Variants in RBFOX1 observed in about 807,000 individuals in gnomAD.
RBFOX1 encodes the protein RNA binding fox-1 homolog 1.
In RBFOX1, 8 loss-of-function variants were observed where a neutral mutation model predicts 57.7. The observed-to-expected ratio is 0.14, with a 90% confidence interval of 0.08 to 0.25. The LOEUF is 0.25. RBFOX1 is among the 10% of genes least tolerant of loss of function. RBFOX1 has a pLI of 1.00. For synonymous variants in RBFOX1, 326 were observed against 222.4 expected (o/e 1.47, Z -4.15); for missense variants, 611 against 548.5 (o/e 1.11, Z -1.14).
intron 4 of RBFOX1, among the ~76,000 whole-genome samples, chr16:7,163,895 A>C (rs2078904973): frequency 6.6e-6 from 1 of 152,064 alleles, no homozygotes. Context: ...CCTGACCTCA[A>C]ATGATCCATC....
chr16:5,756,746 C>T (rs574633708), intron 3 of RBFOX1, among the ~76,000 whole-genome samples: 1 of 152,198 alleles, frequency 6.6e-6, no homozygotes, highest in East Asian at 1.9e-4. Context: ...CCAAAGAGAC[C>T]CCATGAAATC....
chr16:6,039,381 C>T (rs1225009632), intron 1 of RBFOX1, among the ~76,000 whole-genome samples: 1 of 150,316 alleles, frequency 6.7e-6, no homozygotes, highest in Non-Finnish European at 1.5e-5. Context: ...CAAAACATGC[C>T]AGCTTGACAG....
chr16:5,917,149 C>T (rs1197073403), intron 4 of RBFOX1, among the ~76,000 whole-genome samples: 3 of 152,140 alleles, frequency 2.0e-5, no homozygotes, highest in Non-Finnish European at 2.9e-5. Context: ...TTTAGACAAC[C>T]GCTTCCTAAG....
chr16:6,119,912 C>A (rs1244147127), intron 1 of RBFOX1, among the ~76,000 whole-genome samples: 1 of 152,196 alleles, frequency 6.6e-6, no homozygotes, highest in East Asian at 1.9e-4. Flanking sequence ...GAAGGAGACC[C>A]TGTATCCAGT....
chr16:6,636,025 C>T (rs1027766864), intron 2 of RBFOX1, among the ~76,000 whole-genome samples: 1 of 152,140 alleles, frequency 6.6e-6, no homozygotes, highest in Non-Finnish European at 1.5e-5. Context: ...TACTTGTGTA[C>T]ATGTTTAATA....
chr16:6,656,625 C>T (rs78519630), intron 3 of RBFOX1, among the ~76,000 whole-genome samples: 10 of 151,878 alleles, frequency 6.6e-5, no homozygotes, highest in East Asian at 5.8e-4. Flanking sequence ...CACACACACA[C>T]ACACACTTCT....
chr16:6,204,558 T>C (rs1312184578), intron 1 of RBFOX1, among the ~76,000 whole-genome samples: 1 of 152,198 alleles, frequency 6.6e-6, no homozygotes, highest in Non-Finnish European at 1.5e-5. Flanking sequence ...GGGAGGTTAT[T>C]TGAACCCAGG....
chr16:6,794,746 C>T (rs1055659952), intron 3 of RBFOX1, among the ~76,000 whole-genome samples: 5 of 152,130 alleles, frequency 3.3e-5, no homozygotes, highest in African/African-American at 1.2e-4. Context: ...ATTCTTCATA[C>T]AAATGTGTGG....
intron 1 of RBFOX1, among the ~76,000 whole-genome samples, chr16:5,273,607 C>T (rs759119913): frequency 9.9e-5 from 15 of 152,000 alleles, no homozygotes; most frequent in South Asian, 2.1e-4. Context: ...AGGTGAGAAG[C>T]GGGGGAGTGG....
chr16:5,563,758 T>C (rs2045968748), intron 2 of RBFOX1, among the ~76,000 whole-genome samples: 1 of 152,208 alleles, frequency 6.6e-6, no homozygotes, highest in Non-Finnish European at 1.5e-5. Flanking sequence ...CACAGAGTTG[T>C]GCAATGAGCA....
At chr16:5,489,478 C>T (rs1479921341) in intron 2 of RBFOX1, among the ~76,000 whole-genome samples, 1 of 152,216 alleles carries the variant, frequency 6.6e-6, no homozygotes, top group African/African-American at 2.4e-5. Context: ...ATCTATTAGC[C>T]CTTCCCAGCT....
intron 1 of RBFOX1, among the ~76,000 whole-genome samples, chr16:6,243,795 C>T (rs968927814): frequency 6.6e-6 from 1 of 152,142 alleles, no homozygotes; most frequent in Non-Finnish European, 1.5e-5. Flanking sequence ...ATGGTGGGAA[C>T]TTAGAGTCGT....
intron 14 of RBFOX1, among the ~76,000 whole-genome samples, chr16:7,707,122 G>C (rs1407549236): frequency 2.6e-5 from 4 of 152,204 alleles, no homozygotes; most frequent in African/African-American, 7.2e-5. Flanking sequence ...AGGATCAGGA[G>C]AATCCTCTTG....
rs536237743 is a variant in RBFOX1 at position 5,448,049 on chromosome 16, A to G, written c.220-19167A>G. ...GTGGAGTCACATGGGGGAACAGGCT[A>G]TCATGGGAAGTGAATCGAGGTCAGT... is the stretch of plus-strand genomic sequence containing the variant. On this transcript the variant is annotated intron_variant, in intron 1 of 2. Coordinates refer to the RBFOX1 transcript ENST00000585867. Among the ~76,000 whole-genome samples, 8 of 152,324 alleles carry G rather than the reference A, an allele frequency of 5.3e-5. No homozygotes were observed. In the East Asian group the frequency reaches 1.4e-3, roughly 26 times the overall value.
chr16:6,125,091 C>G (rs1243352463), intron 1 of RBFOX1, among the ~76,000 whole-genome samples: 2 of 152,234 alleles, frequency 1.3e-5, no homozygotes, highest in African/African-American at 2.4e-5. Flanking sequence ...TCCTCCACAT[C>G]CACTGCTGGA....
At chr16:7,165,753 A>C (rs1601612934) in intron 4 of RBFOX1, among the ~76,000 whole-genome samples, 1 of 151,812 alleles carries the variant, frequency 6.6e-6, no homozygotes, top group East Asian at 1.9e-4. Context: ...ATTAGATTTA[A>C]CTTTGTTCTC....
At chr16:6,089,291 C>G (rs1010197063) in intron 1 of RBFOX1, among the ~76,000 whole-genome samples, 1 of 151,964 alleles carries the variant, frequency 6.6e-6, no homozygotes, top group East Asian at 1.9e-4. Flanking sequence ...CTGAGTCTTA[C>G]ACAATGAATG....
At chr16:6,682,882 A>G (rs1022879776) in intron 3 of RBFOX1, among the ~76,000 whole-genome samples, 3 of 151,674 alleles carry the variant, frequency 2.0e-5, no homozygotes, top group African/African-American at 7.3e-5. Flanking sequence ...AAAAAAAAAA[A>G]AAAAGGAAAT....
At chr16:5,866,419 C>T (rs987241575) in intron 3 of RBFOX1, among the ~76,000 whole-genome samples, 1 of 152,196 alleles carries the variant, frequency 6.6e-6, no homozygotes, top group Admixed American at 6.5e-5. Flanking sequence ...GGACATAGCT[C>T]AGTCCAAGTA....
Sources: gnomAD v4.1 joint callset for allele counts (sites outside exome capture counted in the v4.1 genomes callset) on GRCh38, gnomAD v4.1.1 for gene constraint, MANE v1.5 for transcripts, NCBI Gene and HGNC (gene_info 2026-07-23, HGNC 2026-07-21) for gene names.